The following TJP3 variants were observed in gnomAD, a reference collection of about 807,000 sequenced individuals.
TJP3 encodes the protein tight junction protein ZO-3.
A neutral mutation model predicts 104.2 loss-of-function variants in TJP3; 85 were observed. That is an observed-to-expected ratio of 0.82 (90% CI 0.68 to 0.98). The LOEUF is 0.98. TJP3 is among the 50% of genes least tolerant of loss of function. The probability of loss-of-function intolerance (pLI) is 0.00; values close to 1 mark genes in which losing one functional copy is unlikely to be tolerated. For synonymous variants in TJP3, 550 were observed against 550.6 expected, an observed-to-expected ratio of 1.00 and a Z score of 0.02; for missense variants, 1,367 against 1,322.8, an observed-to-expected ratio of 1.03 and a Z score of -0.52.
At chr19:3,734,572 T>A in intron 8 of TJP3, 137 bp downstream of exon 8, 1 of 768,432 alleles carries the variant, frequency 1.3e-6, no homozygotes, top group Non-Finnish European at 2.0e-6. Context: ...TGCCTCAAAA[T>A]ACCTCCAGCC....
chr19:3,715,809 G>A (rs774933727), intron 1 of TJP3, among the ~76,000 whole-genome samples: 5 of 151,910 alleles, frequency 3.3e-5, no homozygotes, highest in Admixed American at 6.6e-5. Context: ...TTGGAGTCTC[G>A]CTCTTGTCAT....
At position 3,741,911 on chromosome 19, in the gene TJP3, A is replaced by G. The variant is rs551853164; in HGVS notation, c.1843+1148A>G. Among the ~76,000 whole-genome samples, 4 of 152,248 alleles carry G rather than the reference A, an allele frequency of 2.6e-5. No individual in the cohort carries two copies. The South Asian group carries it at 8.3e-4, about 32-fold the overall frequency. On this transcript the variant is annotated intron_variant, in intron 14 of 20. Coordinates refer to ENST00000541714, the MANE Select transcript of TJP3 (RefSeq NM_001267560.2). Reference sequence around the variant, plus strand: ...CTTGAACCCGGGAGGCAGAGGTTGCAGTGAGCGGAGATCACACCACTGCAC... The same window carrying G: ...CTTGAACCCGGGAGGCAGAGGTTGCGGTGAGCGGAGATCACACCACTGCAC...
chr19:3,722,947 C>G (rs1239311804), intron 1 of TJP3, among the ~76,000 whole-genome samples: 3 of 127,874 alleles, frequency 2.3e-5, no homozygotes. Flanking sequence ...CTGGGCGGGC[C>G]TCTTGTTCGG....
intron 7 of TJP3, 69 bp from the exon 8 acceptor site, chr19:3,734,258 C>T (rs778377219): frequency 1.3e-6 from 2 of 1,502,684 alleles, no homozygotes; most frequent in East Asian, 2.3e-5. Context: ...TGTTGATATA[C>T]CCCTCTGTAA....
chr19:3,722,665 AGGGTAGACTGGGACTGCAGC>A (rs1026519129), intron 1 of TJP3, among the ~76,000 whole-genome samples: 3 of 151,766 alleles, frequency 2.0e-5, no homozygotes, highest in Non-Finnish European at 4.4e-5. Flanking sequence ...CCCACCAGCC[AGGGTAGACTGGGACTGCAGC>A]GGTATGCGGC....
At chr19:3,723,498 A>T (rs2036564126) in intron 1 of TJP3, among the ~76,000 whole-genome samples, 1 of 152,156 alleles carries the variant, frequency 6.6e-6, no homozygotes, top group South Asian at 2.1e-4. Context: ...TTGAATAAAA[A>T]ATAATAAAAC....
At position 3,711,748 on chromosome 19, in the gene TJP3, A is replaced by AAAAG. The variant is rs1555736163; in HGVS notation, c.-10+3188_-10+3191dup. On this transcript the variant is annotated intron_variant, in intron 1 of 20. Transcript: ENST00000541714. ...TCTACTAAAAGTACAAAAAAAAAAA[A>AAAAG]AAAGGTGCTTTATGTGTCTGCTTAA... 1.1e-4 allele frequency among the ~76,000 whole-genome samples: 14 copies of AAAAG among 128,160 alleles called. 2 individuals are homozygous for AAAAG. The highest frequency in any genetic ancestry group is 1.3e-4 in the Non-Finnish European group (8 of 62,700). The allele number at this position is 128,160 out of a possible 152,430, so 84.1% of individuals were successfully genotyped here. A position where few individuals can be genotyped will look rare whatever the true frequency, so the allele number is the denominator to read the frequency against.
chr19:3,738,767 A>G (rs888005379), intron 12 of TJP3, 104 bp downstream of exon 12: 51 of 1,323,222 alleles, frequency 3.9e-5, no homozygotes, highest in Non-Finnish European at 5.4e-5. Flanking sequence ...GCATCTCTGC[A>G]CCCTCCATCC....
At chr19:3,710,808 T>G (rs946120480) in intron 1 of TJP3, among the ~76,000 whole-genome samples, 3 of 151,970 alleles carry the variant, frequency 2.0e-5, no homozygotes, top group Non-Finnish European at 4.4e-5. Flanking sequence ...GCGCATATTT[T>G]GGTGGGGAAA....
Position 3,724,870 on chromosome 19 carries a change from TC to T in TJP3, c.-9-3553del, listed in dbSNP as rs201689584. On this transcript the variant is annotated intron_variant, in intron 1 of 20. Coordinates refer to ENST00000541714, the MANE Select transcript of TJP3 (RefSeq NM_001267560.2). ...CCATTTAATGACACAAAGTATAACA[TC>T]AAAGCAGGTTAAAAAAAAAAAAGAT... 4.7e-3 allele frequency among the ~76,000 whole-genome samples: 699 copies of T among 150,144 alleles called. 1 individual carries two copies. Among genetic ancestry groups the T allele is most frequent in the African/African-American group, 0.015 (604 of 40,768 alleles).
chr19:3,714,504 T>A (rs1243084334), intron 1 of TJP3, among the ~76,000 whole-genome samples: 1 of 151,968 alleles, frequency 6.6e-6, no homozygotes, highest in Non-Finnish European at 1.5e-5. Context: ...ATTGAGCACG[T>A]ACTGCATACA....
chr19:3,731,949 C>T lies in TJP3; in HGVS notation c.628C>T (p.Leu210=). 1.2e-6 allele frequency: 2 copies of T among 1,613,220 alleles called. No homozygotes were observed. The highest frequency in any genetic ancestry group is 1.7e-4 in the Middle Eastern group (1 of 6,060). Residue 210 remains leucine, a synonymous_variant, in exon 6 of 21, where the codon CTG becomes TTG. Transcript: ENST00000541714. ...CCCCCTTACAGAGTTTGGCGTCAAG[C>T]TGGGCAGTCAGATCTTCATCAAGCA... is the stretch of plus-strand genomic sequence containing the variant. ...RRDSEEFGVK[L]GSQIFIKHIT... is the part of the protein sequence containing the mutation.
At chr19:3,728,247 G>A in intron 1 of TJP3, 177 bp from the exon 2 acceptor site, 1 of 1,043,222 alleles carries the variant, frequency 9.6e-7, no homozygotes, top group South Asian at 1.7e-5. Context: ...CTCAAAAAAT[G>A]AAACAAAACA....
chr19:3,749,496 C>T, intron 19 of TJP3: 1 of 152,320 alleles, frequency 6.6e-6, no homozygotes, highest in Non-Finnish European at 1.5e-5. Context: ...CGCACCACCA[C>T]CCACACCCAG....
rs1454498099 is a variant in TJP3, at chr19:3,720,590, G to A, written c.-9-7834G>A. Among the ~76,000 whole-genome samples the A allele has an allele frequency of 2.0e-5, 3 of 152,110 alleles. No individual in the cohort carries two copies. The East Asian group carries it at 5.8e-4, about 29-fold the overall frequency. The stretch of plus-strand genomic sequence containing the variant: ...TTGCCCTTTTACCCTTTTAACCTTG[G>A]GGTGGGGCCCAGGCACAGCTGGGCG... On this transcript the variant is annotated intron_variant, in intron 1 of 20. Coordinates refer to ENST00000541714, the MANE Select transcript of TJP3 (RefSeq NM_001267560.2).
intron 1 of TJP3, among the ~76,000 whole-genome samples, chr19:3,724,173 C>T (rs1342523490): frequency 2.0e-5 from 3 of 151,240 alleles, no homozygotes; most frequent in East Asian, 3.9e-4. Flanking sequence ...ACTCTGGGTT[C>T]GGGGGCCCTG....
intron 1 of TJP3, among the ~76,000 whole-genome samples, chr19:3,718,842 G>A (rs779885746): frequency 6.6e-6 from 1 of 152,144 alleles, no homozygotes; most frequent in Non-Finnish European, 1.5e-5. Flanking sequence ...GGTAGGGAAT[G>A]ATGTGTTTTT....
chr19:3,718,032 G>A (rs185273238), intron 1 of TJP3, among the ~76,000 whole-genome samples: 8 of 151,568 alleles, frequency 5.3e-5, no homozygotes, highest in East Asian at 1.9e-4. Flanking sequence ...TGGCTAACAC[G>A]GTGAAACCCC....
At chr19:3,749,719 C>CCT (rs1177208405) in intron 19 of TJP3, 1 of 195,312 alleles carries the variant, frequency 5.1e-6, no homozygotes. Flanking sequence ...TCTTCCACAC[C>CCT]CTCTCTAGGT....
Sources: gnomAD v4.1 joint callset for allele counts (sites outside exome capture counted in the v4.1 genomes callset) on GRCh38, gnomAD v4.1.1 for gene constraint, MANE v1.5 for transcripts, NCBI Gene and HGNC (gene_info 2026-07-23, HGNC 2026-07-21) for gene names.